UGT1A8: variants seen among roughly 807,000 people sequenced by gnomAD.
UGT1A8 encodes UDP-glucuronosyltransferase 1A8.
UGT1A8 carries 39 observed loss-of-function variants against 45.3 expected under a neutral mutation model. That is an observed-to-expected ratio of 0.86 (90% CI 0.67 to 1.12). The LOEUF (loss-of-function observed/expected upper bound fraction) is 1.12, where lower values mean the gene tolerates loss of function less well. Among genes scored for constraint, UGT1A8 ranks in the 50% most tolerant of loss-of-function variants. The pLI is 0.00. For missense variants in UGT1A8, 719 were observed against 664.9 expected, an observed-to-expected ratio of 1.08 and a Z score of -0.90; for synonymous variants, 275 against 249.2, an observed-to-expected ratio of 1.10 and a Z score of -0.97.
intron 1 of UGT1A8, among the ~76,000 whole-genome samples, chr2:233,619,124 T>C (rs1287100096): frequency 6.6e-6 from 1 of 152,146 alleles, no homozygotes; most frequent in Non-Finnish European, 1.5e-5. Flanking sequence ...AAAAGTTTCA[T>C]TTATATGCAA....
chr2:233,703,454 C>T (rs1254325924), intron 1 of UGT1A8, among the ~76,000 whole-genome samples: 1 of 151,444 alleles, frequency 6.6e-6, no homozygotes, highest in Non-Finnish European at 1.5e-5. Flanking sequence ...GTTAATTTCC[C>T]CTCTATTCTT....
At chr2:233,738,215 A>G (rs927290766) in intron 1 of UGT1A8, among the ~76,000 whole-genome samples, 4 of 152,078 alleles carry the variant, frequency 2.6e-5, no homozygotes, top group African/African-American at 9.7e-5. Context: ...TGCCAGGATT[A>G]TAAGTTTCCT....
At chr2:233,705,662 A>G (rs1466344578) in intron 1 of UGT1A8, among the ~76,000 whole-genome samples, 3 of 152,204 alleles carry the variant, frequency 2.0e-5, no homozygotes, top group African/African-American at 7.2e-5. Context: ...CATAAATTAT[A>G]GTTGTGAGAT....
At chr2:233,735,191 G>T (rs1286482210) in intron 1 of UGT1A8, among the ~76,000 whole-genome samples, 1 of 150,050 alleles carries the variant, frequency 6.7e-6, no homozygotes, top group African/African-American at 2.5e-5. Flanking sequence ...TATGAATCTA[G>T]GTGCTCCTGT....
At chr2:233,714,637 G>A (rs144014663) in intron 1 of UGT1A8, among the ~76,000 whole-genome samples, 2 of 152,328 alleles carry the variant, frequency 1.3e-5, no homozygotes, top group East Asian at 3.9e-4. Context: ...TAAAATTAAT[G>A]TGAATAATGC....
intron 1 of UGT1A8, among the ~76,000 whole-genome samples, chr2:233,716,553 T>C (rs1004313369): frequency 1.3e-5 from 2 of 152,344 alleles, no homozygotes; most frequent in Middle Eastern, 3.4e-3. Flanking sequence ...CTTATATTCC[T>C]TTTTTCATTT....
At chr2:233,630,130 T>C (rs1397948141) in intron 1 of UGT1A8, among the ~76,000 whole-genome samples, 4 of 152,124 alleles carry the variant, frequency 2.6e-5, no homozygotes, top group African/African-American at 9.7e-5. Flanking sequence ...ATTTTGCCTG[T>C]TTTTTAAATG....
At chr2:233,653,625 C>T (rs1249746467) in intron 1 of UGT1A8, among the ~76,000 whole-genome samples, 1 of 152,186 alleles carries the variant, frequency 6.6e-6, no homozygotes, top group African/African-American at 2.4e-5. Flanking sequence ...GAGACAGAGT[C>T]TCGCTGTGTT....
Position 233,701,134 on chromosome 2 carries a change from G to C in UGT1A8, c.856-65900G>C, listed in dbSNP as rs906928223. 1.2e-4 allele frequency among the ~76,000 whole-genome samples: 19 copies of C among 152,132 alleles called. 1 individual carries two copies. The highest frequency in any genetic ancestry group is 4.6e-4 in the African/African-American group (19 of 41,418). On this transcript the variant is annotated intron_variant, in intron 1 of 4. Coordinates refer to ENST00000373450, the MANE Select transcript of UGT1A8 (RefSeq NM_019076.5). ...CAGTCTATCATTGAGGGACATTTAG[G>C]TTGGTTCCAAGTCTTTGCTATTGTG...
chr2:233,772,746 T>C lies in UGT1A8; in HGVS notation c.*187T>C. On this transcript the variant is annotated 3_prime_UTR_variant, in exon 5 of 5. Coordinates refer to ENST00000373450, the MANE Select transcript of UGT1A8 (RefSeq NM_019076.5). ...ATAGACTCGCTAGTCAGTAAAGATA[T>C]TTGAATATGTATCGTGCCCCCTCTG... The C allele has an allele frequency of 7.0e-7, 1 of 1,422,530 alleles. No individual in the cohort carries two copies. 88.1% of individuals were successfully genotyped at this position (1,422,530 alleles called of 1,614,324 possible).
At chr2:233,741,151 C>T (rs1377389492) in intron 1 of UGT1A8, among the ~76,000 whole-genome samples, 2 of 151,930 alleles carry the variant, frequency 1.3e-5, no homozygotes, top group Admixed American at 6.5e-5. Flanking sequence ...TATGACAGCA[C>T]TAATCCAGGA....
chr2:233,676,601 T>A lies in UGT1A8; in HGVS notation c.855+58039T>A, dbSNP rs539134950. 2.6e-5 allele frequency among the ~76,000 whole-genome samples: 4 copies of A among 152,314 alleles called. No homozygotes were observed. In the South Asian group the frequency reaches 8.3e-4, roughly 32 times the overall value. Reference sequence around the variant, plus strand: ...CCTGAAATGTAGTCATCATGTCTCCTTTGTCTCCTCCAGCCTGTGACGGTT... The same window carrying A: ...CCTGAAATGTAGTCATCATGTCTCCATTGTCTCCTCCAGCCTGTGACGGTT... On this transcript the variant is annotated intron_variant, in intron 1 of 4. Coordinates refer to ENST00000373450, the MANE Select transcript of UGT1A8 (RefSeq NM_019076.5).
At chr2:233,763,140 C>T (rs1698247941) in intron 1 of UGT1A8, among the ~76,000 whole-genome samples, 1 of 152,192 alleles carries the variant, frequency 6.6e-6, no homozygotes, top group African/African-American at 2.4e-5. Context: ...ATTGATATAA[C>T]CATAAAAGTC....
At chr2:233,738,344 C>T (rs187057968) in intron 1 of UGT1A8, among the ~76,000 whole-genome samples, 43 of 152,222 alleles carry the variant, frequency 2.8e-4, no homozygotes, top group African/African-American at 1.0e-3. Flanking sequence ...AAATTGGTGT[C>T]ATGGAGAGTG....
At position 233,634,928 on chromosome 2, in the gene UGT1A8, A is replaced by G. The variant is rs964806405; in HGVS notation, c.855+16366A>G. Among the ~76,000 whole-genome samples the G allele has an allele frequency of 4.4e-4, 67 of 150,866 alleles. 5 individuals are homozygous for G. The highest frequency in any genetic ancestry group is 1.6e-3 in the African/African-American group (66 of 40,730). ...TCCTGACAATTGGGTATGTTTGTGC[A>G]GTGGCTGGTACCGGTTTTTTCTTTC... On this transcript the variant is annotated intron_variant, in intron 1 of 4. Coordinates refer to ENST00000373450, the MANE Select transcript of UGT1A8 (RefSeq NM_019076.5).
At chr2:233,760,292 C>T (rs1437444805) in intron 1 of UGT1A8, 2 of 1,613,246 alleles carry the variant, frequency 1.2e-6, no homozygotes, top group Admixed American at 1.7e-5. Flanking sequence ...GGCGCCATGG[C>T]TGTGGAGTCC....
chr2:233,769,915 T>C lies in UGT1A8; in HGVS notation c.1295+1476T>C, dbSNP rs906114329. 1 of 293,246 alleles carries C rather than the reference T, an allele frequency of 3.4e-6. No individual in the cohort carries two copies. The allele number at this position is 293,246 out of a possible 1,614,324, so 18.2% of individuals were successfully genotyped here. Reference sequence around the variant, plus strand: ...ACCTGAGCATCATGTGCCCAGAGCGTTGGGTGGTGTGGTCCCATTCCTTCC... The same window carrying C: ...ACCTGAGCATCATGTGCCCAGAGCGCTGGGTGGTGTGGTCCCATTCCTTCC... On this transcript the variant is annotated intron_variant, in intron 4 of 4. Transcript: ENST00000373450. The surrounding 1 kb of genome is among the most constrained non-coding windows in gnomAD (Gnocchi z 4.4).
In UGT1A8 at chr2:233,731,687, A is replaced by G. The variant is rs552192672; in HGVS notation, c.856-35347A>G. Among the ~76,000 whole-genome samples, 734 of 152,308 alleles carry G rather than the reference A, an allele frequency of 4.8e-3. 10 individuals carry two copies. Among genetic ancestry groups the G allele is most frequent in the African/African-American group, 0.017 (699 of 41,550 alleles). On this transcript the variant is annotated intron_variant, in intron 1 of 4. Coordinates refer to ENST00000373450, the MANE Select transcript of UGT1A8 (RefSeq NM_019076.5). ...ATTTTCTTAATCCAGTCTATCATTG[A>G]TGGACATTTGGATTGGTTCCAGGTC...
At position 233,630,592 on chromosome 2, in the gene UGT1A8, A is replaced by G. The variant is rs150222731; in HGVS notation, c.855+12030A>G. The stretch of plus-strand genomic sequence containing the variant: ...CAGTTTGGCAGACTTTATATGAAAC[A>G]TGGTGCTAGCATCTGCTTCTGGTGA... On this transcript the variant is annotated intron_variant, in intron 1 of 4. Transcript: ENST00000373450. Among the ~76,000 whole-genome samples the G allele has an allele frequency of 4.8e-3, 735 of 152,242 alleles. 2 individuals carry two copies. The highest frequency in any genetic ancestry group is 8.1e-3 in the Non-Finnish European group (553 of 68,006).
Sources: gnomAD v4.1 joint callset for allele counts (sites outside exome capture counted in the v4.1 genomes callset) on GRCh38, gnomAD v4.1.1 for gene constraint, Gnocchi (gnomAD v3.1) non-coding constraint, MANE v1.5 for transcripts, NCBI Gene and HGNC (gene_info 2026-07-23, HGNC 2026-07-21) for gene names.